The following ANO4 variants were observed in gnomAD, a reference collection of about 807,000 sequenced individuals.
ANO4 encodes the protein anoctamin 4.
A neutral mutation model predicts 141.9 loss-of-function variants in ANO4; 69 were observed. The ratio of observed to expected loss-of-function variants is 0.49; its 90% CI spans 0.40 to 0.59. The LOEUF (loss-of-function observed/expected upper bound fraction) is 0.59. Among genes scored for constraint, ANO4 ranks in the 20% least tolerant of loss-of-function variants. The pLI, the probability that ANO4 is intolerant of heterozygous loss-of-function variation, is 0.00. For missense variants in ANO4, 894 were observed against 1,162.2 expected, an observed-to-expected ratio of 0.77 and a Z score of 3.36; for synonymous variants, 350 against 394.3, an observed-to-expected ratio of 0.89 and a Z score of 1.33.
At chr12:100,921,285 G>A (rs780808619) in intron 2 of ANO4, among the ~76,000 whole-genome samples, 4 of 149,720 alleles carry the variant, frequency 2.7e-5, no homozygotes, top group Admixed American at 6.6e-5. Flanking sequence ...TAGAATAAGC[G>A]TTCCTGTGAG....
chr12:101,043,599 A>G lies in ANO4; in HGVS notation c.1215A>G (p.Pro405=), dbSNP rs758628273. The change falls in exon 13 of 28, where the codon CCA becomes CCG. Residue 405 remains proline, a synonymous_variant. Coordinates refer to ENST00000392977, the MANE Select transcript of ANO4 (RefSeq NM_001286615.2). The stretch of plus-strand genomic sequence containing the variant: ...GTCCTGTGTGTGATAAATACTGTCC[A>G]TTCATGAGGCTGTCAGACAGCTGTG... The part of the protein sequence containing the change: ...IMCPVCDKYC[P]FMRLSDSCVY... 6 of 1,613,688 alleles carry G rather than the reference A, an allele frequency of 3.7e-6. No individual in the cohort carries two copies. Among genetic ancestry groups the G allele is most frequent in the Admixed American group, 3.3e-5 (2 of 60,026 alleles).
intron 3 of ANO4, among the ~76,000 whole-genome samples, chr12:100,932,736 T>C (rs1423048307): frequency 1.3e-5 from 2 of 152,176 alleles, no homozygotes; most frequent in Non-Finnish European, 2.9e-5. Context: ...ACTTTTCTGC[T>C]CTGCCTCCAT....
At position 100,822,739 on chromosome 12, in the gene ANO4, G is replaced by A. The variant is rs559982416; in HGVS notation, c.-141+27712G>A. On this transcript the variant is annotated intron_variant, in intron 1 of 27. Transcript: ENST00000392977. ...GTGAGGTGAGGAGGGGAAGATGGTA[G>A]AAGAAACTTGATCTTCCAGTAGGAA... Among the ~76,000 whole-genome samples the A allele has an allele frequency of 8.7e-4, 132 of 152,114 alleles. 3 individuals are homozygous for A. The highest frequency in any genetic ancestry group is 1.0e-3 in the South Asian group (5 of 4,824).
chr12:100,802,415 A>G (rs536722698), intron 1 of ANO4, among the ~76,000 whole-genome samples: 1 of 152,190 alleles, frequency 6.6e-6, no homozygotes, highest in South Asian at 2.1e-4. Context: ...ATGAGTGAAC[A>G]TATTCTTAGG....
chr12:101,052,234 G>T (rs1348419426), intron 14 of ANO4, among the ~76,000 whole-genome samples: 1 of 152,186 alleles, frequency 6.6e-6, no homozygotes, highest in Non-Finnish European at 1.5e-5. Flanking sequence ...TCACGTCTGT[G>T]TGAGTGCAGG....
chr12:100,963,511 T>C (rs2043516899), intron 5 of ANO4, among the ~76,000 whole-genome samples: 1 of 152,116 alleles, frequency 6.6e-6, no homozygotes, highest in Non-Finnish European at 1.5e-5. Context: ...TGTGTCTGTG[T>C]GTGTGTGTGT....
At chr12:100,982,463 A>G (rs688098) in intron 7 of ANO4, among the ~76,000 whole-genome samples, 22,010 of 152,182 alleles carry the variant, frequency 0.14, 1,779 homozygotes, top group East Asian at 0.25. Flanking sequence ...ATTAGGTGGG[A>G]ACACAGACAT....
At chr12:101,035,836 C>G (rs2047170433) in intron 9 of ANO4, among the ~76,000 whole-genome samples, 1 of 152,100 alleles carries the variant, frequency 6.6e-6, no homozygotes, top group African/African-American at 2.4e-5. Context: ...GAACAGGAGA[C>G]ACTGGGGCCT....
At position 100,827,744 on chromosome 12, in the gene ANO4, G is replaced by A. The variant is rs527965300; in HGVS notation, c.-141+32717G>A. ...TTAGCATTGCTTGATTTATGGTTAGGATTCTGTATTTGGAGGTGCTAAAAT... is the reference window on the plus strand; with the variant it reads ...TTAGCATTGCTTGATTTATGGTTAGAATTCTGTATTTGGAGGTGCTAAAAT... On this transcript the variant is annotated intron_variant, in intron 1 of 27. Transcript: ENST00000392977. 1.6e-4 allele frequency among the ~76,000 whole-genome samples: 25 copies of A among 152,086 alleles called. No individual in the cohort carries two copies. The South Asian group carries it at 4.6e-3, about 28-fold the overall frequency.
chr12:100,830,787 G>A (rs1384382572), intron 1 of ANO4, among the ~76,000 whole-genome samples: 1 of 152,076 alleles, frequency 6.6e-6, no homozygotes, highest in Non-Finnish European at 1.5e-5. Context: ...ATATTTATAA[G>A]AAATGGTTAA....
rs73387676 is a variant in ANO4 at position 100,837,344 on chromosome 12, A to G, written c.-141+42317A>G. Among the ~76,000 whole-genome samples, 498 of 152,270 alleles carry G rather than the reference A, an allele frequency of 3.3e-3. 4 individuals carry two copies. The highest frequency in any genetic ancestry group is 0.012 in the African/African-American group (478 of 41,558). The stretch of plus-strand genomic sequence containing the variant: ...AAGGAAACCAAGATGCAGAGGCTTT[A>G]AAGTCAGTTGTCCAAGGTCACACGG... On this transcript the variant is annotated intron_variant, in intron 1 of 27. Transcript: ENST00000392977.
chr12:101,083,567 A>T, intron 15 of ANO4, 111 bp from the exon 16 acceptor site: 1 of 1,321,740 alleles, frequency 7.6e-7, no homozygotes, highest in South Asian at 1.4e-5. Flanking sequence ...TTGGTTGACT[A>T]ATTAGTGTGG....
At chr12:100,907,641 G>A (rs557493831) in intron 2 of ANO4, among the ~76,000 whole-genome samples, 1 of 152,304 alleles carries the variant, frequency 6.6e-6, no homozygotes, top group Non-Finnish European at 1.5e-5. Context: ...AGCAGATATA[G>A]GTTAGCATTC....
intron 7 of ANO4, among the ~76,000 whole-genome samples, chr12:100,978,869 A>G (rs1396863932): frequency 6.6e-6 from 1 of 152,146 alleles, no homozygotes; most frequent in Non-Finnish European, 1.5e-5. Context: ...CTGTATTATA[A>G]CTCAACAGTA....
chr12:100,783,735 T>A (rs923409857), intron 3 of ANO4, among the ~76,000 whole-genome samples: 2 of 152,162 alleles, frequency 1.3e-5, no homozygotes, highest in African/African-American at 4.8e-5. Flanking sequence ...TTATCTGCTG[T>A]TCTTGGATCG....
intron 14 of ANO4, among the ~76,000 whole-genome samples, chr12:101,076,761 T>A (rs2049041309): frequency 6.6e-6 from 1 of 152,208 alleles, no homozygotes; most frequent in African/African-American, 2.4e-5. Flanking sequence ...AGCCACATAT[T>A]CAGGGGCTGG....
intron 14 of ANO4, among the ~76,000 whole-genome samples, chr12:101,056,582 C>A (rs1210323387): frequency 6.6e-6 from 1 of 151,774 alleles, no homozygotes; most frequent in African/African-American, 2.4e-5. Flanking sequence ...AGTTTTATTT[C>A]TTTTTCTTGC....
intron 22 of ANO4, among the ~76,000 whole-genome samples, chr12:101,104,653 AT>A (rs1566254863): frequency 2.6e-3 from 169 of 64,536 alleles, no homozygotes; most frequent in Non-Finnish European, 4.0e-3. Flanking sequence ...ATATATATAT[AT>A]ATATATATAT....
chr12:100,733,268 G>A (rs2136818145), intron 1 of ANO4, among the ~76,000 whole-genome samples: 1 of 152,282 alleles, frequency 6.6e-6, no homozygotes, highest in East Asian at 1.9e-4. Context: ...CCACGAAGCT[G>A]CCTGTGGCCT....
Sources: allele counts gnomAD v4.1 joint callset (sites outside exome capture counted in the v4.1 genomes callset), GRCh38; gene constraint gnomAD v4.1.1; transcripts MANE v1.5; gene names NCBI Gene and HGNC (gene_info 2026-07-23, HGNC 2026-07-21).